Variants in TDRD9 observed in about 807,000 individuals in gnomAD.
TDRD9 encodes tudor domain containing 9.
A neutral mutation model predicts 172.6 loss-of-function variants in TDRD9; 124 were observed. The ratio of observed to expected loss-of-function variants is 0.72; its 90% CI spans 0.62 to 0.83. The LOEUF (loss-of-function observed/expected upper bound fraction) is 0.83, where lower values mean the gene tolerates loss of function less well. TDRD9 is among the 40% of genes least tolerant of loss of function. The probability of loss-of-function intolerance (pLI) is 0.00; values close to 1 mark genes in which losing one functional copy is unlikely to be tolerated. For missense variants in TDRD9, 1,479 were observed against 1,714.1 expected, an observed-to-expected ratio of 0.86 and a Z score of 2.42; for synonymous variants, 619 against 617.1, an observed-to-expected ratio of 1.00 and a Z score of -0.05.
rs1168374601 is a variant in TDRD9, at chr14:103,955,756, C to T, written c.308C>T (p.Pro103Leu). The T allele has an allele frequency of 1.9e-6, 3 of 1,551,104 alleles. No individual in the cohort carries two copies. The highest frequency in any genetic ancestry group is 2.6e-6 in the Non-Finnish European group (3 of 1,146,754). The change falls in exon 2 of 36, where the codon CCA becomes CTA. Residue 103 changes from proline to leucine, a missense_variant. Physicochemically the swap from Pro to Leu is moderately conservative, Grantham distance 98. Around this residue, in one of 3 missense-constraint regions of TDRD9, gnomAD observed 1,413 missense variants for 1,649.1 expected, o/e 0.86. Transcript: ENST00000409874. ...CTTGATGTGTGTCGCAGTGTCCAAC[C>T]AACCAGTGGGCCAGGTAAACAGGTC... ...QELDVCRSVQ[P>L]TSGPGPRPSL...
chr14:103,946,935 A>C (rs2152122553), intron 1 of TDRD9, among the ~76,000 whole-genome samples: 1 of 152,364 alleles, frequency 6.6e-6, no homozygotes, highest in Non-Finnish European at 1.5e-5. Context: ...GGATTGGAAG[A>C]CAATATTGTT....
At chr14:104,001,504 C>A (rs1046484286) in intron 13 of TDRD9, among the ~76,000 whole-genome samples, 26 of 152,182 alleles carry the variant, frequency 1.7e-4, no homozygotes, top group African/African-American at 5.1e-4. Context: ...AATAAAACAG[C>A]TGTGAATATT....
intron 23 of TDRD9, among the ~76,000 whole-genome samples, chr14:104,018,502 T>C (rs764871682): frequency 1.3e-5 from 2 of 152,222 alleles, no homozygotes; most frequent in Non-Finnish European, 2.9e-5. Context: ...TTTCACGCAC[T>C]GGTCTGAGAT....
intron 1 of TDRD9, among the ~76,000 whole-genome samples, chr14:103,944,861 G>A (rs1255902329): frequency 2.6e-5 from 4 of 152,054 alleles, no homozygotes; most frequent in Non-Finnish European, 4.4e-5. Context: ...CACCGTGCCC[G>A]GCTTCTTTTC....
chr14:103,986,882 G>A (rs770744532), intron 8 of TDRD9, among the ~76,000 whole-genome samples: 8 of 152,170 alleles, frequency 5.3e-5, no homozygotes, highest in Non-Finnish European at 8.8e-5. Flanking sequence ...TTGGGAGGCC[G>A]AGGTCGGGGG....
rs2152218803 is a variant in TDRD9 at position 104,006,452 on chromosome 14, T to G, written c.1777T>G (p.Phe593Val). 1 of 1,613,926 alleles carries G rather than the reference T, an allele frequency of 6.2e-7. No individual in the cohort carries two copies. Among genetic ancestry groups the G allele is most frequent in the Non-Finnish European group, 8.5e-7 (1 of 1,179,804 alleles). The change falls in exon 16 of 36, where the codon TTC becomes GTC. Residue 593 changes from phenylalanine to valine, a missense_variant. Phe to Val is a conservative substitution (Grantham distance 50, BLOSUM62 -1). Around this residue, in one of 3 missense-constraint regions of TDRD9, gnomAD observed 1,413 missense variants for 1,649.1 expected, o/e 0.86. Transcript: ENST00000409874. ...DENPHDGELT[F>V]LGRVLAQLPV... ...AAACCCCCATGATGGTGAATTGACC[T>G]TCTTAGGAAGAGTTTTAGCCCAACT...
Position 104,005,187 on chromosome 14 carries a change from T to G in TDRD9, c.1582-87T>G, listed in dbSNP as rs556989894. On this transcript the variant is annotated intron_variant, in intron 14 of 35. Transcript: ENST00000409874. ...CTTCTCTCCTCTCCTTCTCTCCTCC[T>G]CTTTCCCTCTGAAGCACTGGTTATG... The G allele has an allele frequency of 2.5e-3, 3,596 of 1,413,994 alleles. 7 individuals carry two copies. Among genetic ancestry groups the G allele is most frequent in the Non-Finnish European group, 3.2e-3 (3,274 of 1,020,164 alleles). The allele number at this position is 1,413,994 out of a possible 1,614,324, so 87.6% of individuals were successfully genotyped here. A position where few individuals can be genotyped will look rare whatever the true frequency, so the allele number is the denominator to read the frequency against.
intron 12 of TDRD9, among the ~76,000 whole-genome samples, chr14:103,998,179 C>T (rs951131759): frequency 6.9e-5 from 10 of 144,936 alleles, no homozygotes; most frequent in East Asian, 2.1e-4. Context: ...CACCCACCCA[C>T]GCGTACAGAT....
intron 29 of TDRD9, among the ~76,000 whole-genome samples, 176 bp downstream of exon 29, chr14:104,031,439 T>C (rs1336517811): frequency 6.6e-6 from 1 of 151,698 alleles, no homozygotes; most frequent in East Asian, 1.9e-4. Context: ...GTTTAGTGTT[T>C]AGTGGGGTTT....
At chr14:104,045,390 C>CTTTT (rs55844445) in intron 34 of TDRD9, among the ~76,000 whole-genome samples, 1 of 133,906 alleles carries the variant, frequency 7.5e-6, no homozygotes. Flanking sequence ...GTCATTTATC[C>CTTTT]TTTTTTTTTT....
chr14:103,979,875 CTT>C (rs5811124), intron 7 of TDRD9, among the ~76,000 whole-genome samples: 13 of 144,290 alleles, frequency 9.0e-5, no homozygotes, highest in Admixed American at 7.6e-4. Flanking sequence ...TTTTCTGACT[CTT>C]TTTTTTTTTT....
intron 1 of TDRD9, among the ~76,000 whole-genome samples, chr14:103,938,396 GTGTGTGTGTGTGTGTGTGTATATA>G (rs1253538653): frequency 3.2e-5 from 1 of 30,786 alleles, no homozygotes; most frequent in Non-Finnish European, 6.5e-5. Flanking sequence ...GTGTGTGTGT[GTGTGTGTGTGTGTGTGTGTATATA>G]TATATATATA....
intron 9 of TDRD9, among the ~76,000 whole-genome samples, chr14:103,993,032 G>A (rs2033931852): frequency 6.6e-6 from 1 of 151,640 alleles, no homozygotes; most frequent in East Asian, 1.9e-4. Context: ...GTACAGTGGT[G>A]TGACCCCGAT....
At chr14:104,010,488 A>C (rs554891622) in intron 20 of TDRD9, among the ~76,000 whole-genome samples, 39 of 151,890 alleles carry the variant, frequency 2.6e-4, no homozygotes, top group South Asian at 6.3e-4. Context: ...ATCATCTCTT[A>C]CAGTATAATA....
intron 1 of TDRD9, among the ~76,000 whole-genome samples, chr14:103,948,023 T>C (rs1234581161): frequency 6.6e-6 from 1 of 152,146 alleles, no homozygotes. Flanking sequence ...CAGATTTTTA[T>C]TTTTTTAAGA....
rs867607120 is a variant in TDRD9 at position 104,043,995 on chromosome 14, C to A, written c.3974+1808C>A. Among the ~76,000 whole-genome samples, 6 of 152,216 alleles carry A rather than the reference C, an allele frequency of 3.9e-5. No individual in the cohort carries two copies. In the South Asian group the frequency reaches 1.2e-3, roughly 32 times the overall value. ...TGTGTGGGAAGATCTTTCCTTGATT[C>A]CGGCTCTGCCCTGCTTAAGCCTGTG... On this transcript the variant is annotated intron_variant, in intron 34 of 35. Coordinates refer to ENST00000409874, the MANE Select transcript of TDRD9 (RefSeq NM_153046.3).
intron 19 of TDRD9, among the ~76,000 whole-genome samples, chr14:104,007,639 G>GTTT (rs61640199): frequency 2.8e-5 from 4 of 144,316 alleles, no homozygotes; most frequent in Non-Finnish European, 4.6e-5. Context: ...CCATTTTATT[G>GTTT]TTTTTTTTTT....
At chr14:104,021,798 A>G (rs1304672994) in intron 23 of TDRD9, among the ~76,000 whole-genome samples, 5 of 152,306 alleles carry the variant, frequency 3.3e-5, no homozygotes, top group African/African-American at 1.2e-4. Flanking sequence ...TTATTTTATG[A>G]TAGTAAAGAA....
intron 1 of TDRD9, among the ~76,000 whole-genome samples, chr14:103,952,839 G>A (rs2032008759): frequency 7.0e-6 from 1 of 143,390 alleles, no homozygotes; most frequent in African/African-American, 2.6e-5. Context: ...CTAGGTTTCA[G>A]GCAAATTCTC....
Sources: allele counts gnomAD v4.1 joint callset (sites outside exome capture counted in the v4.1 genomes callset), GRCh38; gene constraint gnomAD v4.1.1; regional missense constraint gnomAD v4.1.1; transcripts MANE v1.5; gene names NCBI Gene and HGNC (gene_info 2026-07-23, HGNC 2026-07-21).